KHDC1L: variants seen among roughly 807,000 people sequenced by gnomAD.
KHDC1L encodes the protein KHDC1-like protein.
In KHDC1L, 5 loss-of-function variants were observed where a neutral mutation model predicts 11.2. The ratio of observed to expected loss-of-function variants is 0.45; its 90% CI spans 0.23 to 0.94. The LOEUF (loss-of-function observed/expected upper bound fraction) is 0.94. Among genes scored for constraint, KHDC1L ranks in the 40% least tolerant of loss-of-function variants. The probability of loss-of-function intolerance (pLI) is 0.22; values close to 1 mark genes in which losing one functional copy is unlikely to be tolerated. For synonymous variants in KHDC1L, 66 were observed against 62.7 expected, an observed-to-expected ratio of 1.05 and a Z score of -0.25; for missense variants, 168 against 165.8, an observed-to-expected ratio of 1.01 and a Z score of -0.07.
intron 1 of KHDC1L, 39 bp downstream of exon 1, chr6:73,225,258 A>C (rs770236616): frequency 3.2e-6 from 5 of 1,572,324 alleles, no homozygotes; most frequent in South Asian, 2.3e-5. Flanking sequence ...TAAAAATAAA[A>C]AACAGATGAA....
In KHDC1L at chr6:73,225,309, C is replaced by G. The variant is rs1431666951; in HGVS notation, c.100G>C (p.Glu34Gln). 3 of 1,613,622 alleles carry G rather than the reference C, an allele frequency of 1.9e-6. No homozygotes were observed. Among genetic ancestry groups the G allele is most frequent in the Non-Finnish European group, 2.5e-6 (3 of 1,179,784 alleles). ...MVFHMEEDQE[E>Q]LIFGLDDTYL... ...AAAGGCCACTCACCGAAGATGAGCT[C>G]CTCCTGGTCCTCTTCCATGTGGAAC... Residue 34 changes from glutamate (E) to glutamine (Q), a missense_variant, in exon 1 of 3, where the codon GAG (glutamate) becomes CAG (glutamine). Physicochemically the swap from Glu to Gln is conservative, Grantham distance 29. Coordinates refer to ENST00000370388, the MANE Select transcript of KHDC1L (RefSeq NM_001126063.3).
intron 1 of KHDC1L, among the ~76,000 whole-genome samples, chr6:73,225,040 G>A (rs1434023127): frequency 1.4e-5 from 2 of 146,676 alleles, no homozygotes; most frequent in East Asian, 4.0e-4. Context: ...CCGAGATCGC[G>A]CCACTGCACT....
chr6:73,223,790 G>GT lies in KHDC1L; in HGVS notation c.344dup (p.Asp115GlufsTer7). 1 of 1,607,674 alleles carries GT rather than the reference G, an allele frequency of 6.2e-7. No homozygotes were observed. Among genetic ancestry groups the GT allele is most frequent in the Non-Finnish European group, 8.5e-7 (1 of 1,177,196 alleles). On this transcript the variant is annotated frameshift_variant, in exon 3 of 3. Transcript: ENST00000370388. LOFTEE classifies it low-confidence loss of function (END_TRUNC). ...GTGGCAGGCTAACGGAGGTGACCAG[G>GT]TCATCATTGGTCAGGGGCTGGCTTC...
Position 73,225,461 on chromosome 6 carries a change from A to G in KHDC1L, c.-53T>C. The G allele has an allele frequency of 7.2e-7, 1 of 1,384,942 alleles. No homozygotes were observed. Among genetic ancestry groups the G allele is most frequent in the Non-Finnish European group, 1.0e-6 (1 of 976,398 alleles). 85.8% of individuals were successfully genotyped at this position (1,384,942 alleles called of 1,614,324 possible). A position where few individuals can be genotyped will look rare whatever the true frequency, so the allele number is the denominator to read the frequency against. ...GGGAAAGTCTAACAAACTGGTTGGCAAAAGACTTGGAAAAGCGAGGAAGGG... is the reference window on the plus strand; with the variant it reads ...GGGAAAGTCTAACAAACTGGTTGGCGAAAGACTTGGAAAAGCGAGGAAGGG... On this transcript the variant is annotated 5_prime_UTR_variant, in exon 1 of 3. Coordinates refer to ENST00000370388, the MANE Select transcript of KHDC1L (RefSeq NM_001126063.3).
At chr6:73,224,459 A>T in intron 1 of KHDC1L, 111 bp from the exon 2 acceptor site, 1 of 923,436 alleles carries the variant, frequency 1.1e-6, no homozygotes. Flanking sequence ...AGGAGAGGGG[A>T]AGATTGAAAA....
At position 73,224,173 on chromosome 6, in the gene KHDC1L, GTGACACT is replaced by G; in HGVS notation, c.281_287del (p.Lys94ThrfsTer5). On this transcript the variant is annotated frameshift_variant, in exon 2 of 3. Coordinates refer to ENST00000370388, the MANE Select transcript of KHDC1L (RefSeq NM_001126063.3). LOFTEE classifies it low-confidence loss of function (END_TRUNC). ...TCGGCCAAGGATACCTACCTCGAGC[GTGACACT>G]TGGAGTCCTGGCTCCCCACGCAATG... 1 of 1,562,436 alleles carries G rather than the reference GTGACACT, an allele frequency of 6.4e-7. No homozygotes were observed. The highest frequency in any genetic ancestry group is 1.7e-4 in the Middle Eastern group (1 of 5,986).
At chr6:73,224,393 C>T (rs1388250964) in intron 1 of KHDC1L, 45 bp from the exon 2 acceptor site, 6 of 1,487,672 alleles carry the variant, frequency 4.0e-6, no homozygotes, top group Non-Finnish European at 5.4e-6. Context: ...GCCACCAGTC[C>T]TTGGGGAGTG....
rs761040434 is a variant in KHDC1L, at chr6:73,223,791, T to A, written c.344A>T (p.Asp115Val). 3.1e-6 allele frequency: 5 copies of A among 1,607,488 alleles called. No homozygotes were observed. In the African/African-American group the frequency reaches 5.3e-5, roughly 17 times the overall value. The change falls in exon 3 of 3, where the codon GAC becomes GTC. Residue 115 changes from aspartate to valine, a missense_variant. Coordinates refer to ENST00000370388, the MANE Select transcript of KHDC1L (RefSeq NM_001126063.3). ...TGGCAGGCTAACGGAGGTGACCAGG[T>A]CATCATTGGTCAGGGGCTGGCTTCG... ...RVRSQPLTNDDLVTSVSLPPY... is the reference protein window; with the variant it reads ...RVRSQPLTNDVLVTSVSLPPY...
Position 73,223,577 on chromosome 6 carries a change from C to T in KHDC1L, c.*171G>A, listed in dbSNP as rs1429991797. The T allele has an allele frequency of 6.9e-6, 4 of 579,870 alleles. No individual in the cohort carries two copies. The highest frequency in any genetic ancestry group is 4.3e-5 in the South Asian group (2 of 46,202). 35.9% of individuals were successfully genotyped at this position (579,870 alleles called of 1,614,324 possible). A position where few individuals can be genotyped will look rare whatever the true frequency, so the allele number is the denominator to read the frequency against. ...ATAGGTAGCTTATTTTATTGGATTG[C>T]TTTGCCAATAACACTTCTAACACTC... is the stretch of plus-strand genomic sequence containing the variant. On this transcript the variant is annotated 3_prime_UTR_variant, in exon 3 of 3. Coordinates refer to ENST00000370388, the MANE Select transcript of KHDC1L (RefSeq NM_001126063.3).
Position 73,225,438 on chromosome 6 carries a change from G to A in KHDC1L, c.-30C>T, listed in dbSNP as rs1483151681. 1.9e-6 allele frequency: 3 copies of A among 1,548,870 alleles called. No individual in the cohort carries two copies. The highest frequency in any genetic ancestry group is 1.7e-5 in the Admixed American group (1 of 59,420). On this transcript the variant is annotated 5_prime_UTR_variant, in exon 1 of 3. Coordinates refer to ENST00000370388, the MANE Select transcript of KHDC1L (RefSeq NM_001126063.3). ...TGCTCCCACCTGATTCAGAATAGGG[G>A]AAAGTCTAACAAACTGGTTGGCAAA...
chr6:73,224,456 G>A (rs1270693265), intron 1 of KHDC1L, 108 bp from the exon 2 acceptor site: 1 of 951,164 alleles, frequency 1.1e-6, no homozygotes, highest in African/African-American at 1.7e-5. Flanking sequence ...GGGAGGAGAG[G>A]GGAAGATTGA....
chr6:73,225,297 C>G lies in KHDC1L; in HGVS notation c.112G>C (p.Gly38Arg), dbSNP rs1455867755. ...MEEDQEELIF[G>R]LDDTYLRCIE... The stretch of plus-strand genomic sequence containing the variant: ...GGGGACGTGGGCAAAGGCCACTCAC[C>G]GAAGATGAGCTCCTCCTGGTCCTCT... The change falls in exon 1 of 3, where the codon GGA becomes CGA. Residue 38 changes from glycine to arginine, a missense_variant and splice_region_variant. Gly to Arg is a moderately radical substitution (Grantham distance 125). Transcript: ENST00000370388. 6.2e-7 allele frequency: 1 copy of G among 1,613,086 alleles called. No individual in the cohort carries two copies. The highest frequency in any genetic ancestry group is 1.7e-5 in the Admixed American group (1 of 59,898).
Position 73,225,432 on chromosome 6 carries a change from A to T in KHDC1L, c.-24T>A. 1 of 1,568,456 alleles carries T rather than the reference A, an allele frequency of 6.4e-7. No individual in the cohort carries two copies. Among genetic ancestry groups the T allele is most frequent in the Non-Finnish European group, 8.8e-7 (1 of 1,139,238 alleles). On this transcript the variant is annotated 5_prime_UTR_variant, in exon 1 of 3. Transcript: ENST00000370388. ...ATGCTGTGCTCCCACCTGATTCAGAATAGGGGAAAGTCTAACAAACTGGTT... is the reference window on the plus strand; with the variant it reads ...ATGCTGTGCTCCCACCTGATTCAGATTAGGGGAAAGTCTAACAAACTGGTT...
In KHDC1L at chr6:73,224,253, T is replaced by A. The variant is rs1766315291; in HGVS notation, c.208A>T (p.Thr70Ser). ...CFTATGQTRV[T>S]VVGPPMAKQW... ...TTTGCCATTGGTGGTCCGACTACAG[T>A]CACACGTGTCTGGCCTGTAGCTGTG... The change falls in exon 2 of 3, where the codon ACT becomes TCT. Residue 70 changes from threonine (T) to serine (S), a missense_variant. Physicochemically the swap from Thr to Ser is moderately conservative, Grantham distance 58. Transcript: ENST00000370388. 1 of 1,589,184 alleles carries A rather than the reference T, an allele frequency of 6.3e-7. No individual in the cohort carries two copies. The highest frequency in any genetic ancestry group is 1.3e-5 in the African/African-American group (1 of 74,550).
intron 1 of KHDC1L, among the ~76,000 whole-genome samples, 154 bp downstream of exon 1, chr6:73,225,143 T>G (rs1249641488): frequency 6.6e-6 from 1 of 150,800 alleles, no homozygotes; most frequent in Non-Finnish European, 1.5e-5. Flanking sequence ...GGCAGGCGCC[T>G]GTAATCCCAG....
intron 1 of KHDC1L, among the ~76,000 whole-genome samples, chr6:73,224,627 T>G (rs1442084622): frequency 6.6e-6 from 1 of 150,896 alleles, no homozygotes; most frequent in Non-Finnish European, 1.5e-5. Flanking sequence ...ATACAAAAAA[T>G]TAGCCGGGCG....
At chr6:73,224,042 T>C (rs948582352) in intron 2 of KHDC1L, 124 bp downstream of exon 2, 48 of 1,211,982 alleles carry the variant, frequency 4.0e-5, no homozygotes, top group Admixed American at 1.3e-4. Context: ...CCCAATGGAC[T>C]CTGGGAAGCA....
chr6:73,224,960 GT>G (rs1423589570), intron 1 of KHDC1L, among the ~76,000 whole-genome samples: 1 of 150,792 alleles, frequency 6.6e-6, no homozygotes, highest in Non-Finnish European at 1.5e-5. Flanking sequence ...GCGGGCGCCT[GT>G]AGTCCCAGCT....
intron 1 of KHDC1L, among the ~76,000 whole-genome samples, chr6:73,225,003 A>G (rs1252070243): frequency 1.3e-5 from 2 of 150,574 alleles, no homozygotes; most frequent in Admixed American, 6.6e-5. Flanking sequence ...GAATGGCGTG[A>G]ACCCGGGAGG....
Sources: allele counts gnomAD v4.1 joint callset (sites outside exome capture counted in the v4.1 genomes callset), GRCh38; gene constraint gnomAD v4.1.1; transcripts MANE v1.5; gene names NCBI Gene and HGNC (gene_info 2026-07-23, HGNC 2026-07-21).